Variants in IMPG1 observed in about 807,000 individuals in gnomAD.
The protein encoded by IMPG1 is interphotoreceptor matrix proteoglycan of 150 kDa.
IMPG1 carries 85 observed loss-of-function variants against 92.0 expected under a neutral mutation model. The observed-to-expected ratio is 0.92, with a 90% CI of 0.78 to 1.11. The LOEUF (loss-of-function observed/expected upper bound fraction) is 1.11, where lower values mean the gene tolerates loss of function less well. Among genes scored for constraint, IMPG1 ranks in the 50% least tolerant of loss-of-function variants. IMPG1 has a pLI of 0.00. For synonymous variants in IMPG1, 367 were observed against 334.1 expected, an observed-to-expected ratio of 1.10 and a Z score of -1.08; for missense variants, 1,022 against 956.0, an observed-to-expected ratio of 1.07 and a Z score of -0.91.
At chr6:75,997,903 G>A (rs150239917) in intron 12 of IMPG1, among the ~76,000 whole-genome samples, 2 of 152,294 alleles carry the variant, frequency 1.3e-5, no homozygotes, top group African/African-American at 4.8e-5. Flanking sequence ...TTTTTGCTGT[G>A]GAATCAGGGA....
chr6:76,016,613 T>C (rs1191744363), intron 7 of IMPG1, among the ~76,000 whole-genome samples: 3 of 152,202 alleles, frequency 2.0e-5, no homozygotes, highest in Non-Finnish European at 4.4e-5. Context: ...CTTATTCATC[T>C]CCTCTCAGGG....
chr6:76,004,006 G>T, intron 10 of IMPG1, 56 bp from the exon 11 acceptor site: 1 of 1,375,356 alleles, frequency 7.3e-7, no homozygotes, highest in Non-Finnish European at 1.0e-6. Flanking sequence ...TTTTGTGGTT[G>T]GGACAATAAA....
intron 12 of IMPG1, among the ~76,000 whole-genome samples, chr6:75,952,374 T>C (rs1782048241): frequency 6.6e-6 from 1 of 152,184 alleles, no homozygotes; most frequent in Non-Finnish European, 1.5e-5. Flanking sequence ...ACGGTGAAAT[T>C]ACTAAAACCG....
At chr6:75,991,210 T>G (rs1220845432) in intron 12 of IMPG1, among the ~76,000 whole-genome samples, 2 of 152,054 alleles carry the variant, frequency 1.3e-5, no homozygotes, top group Non-Finnish European at 2.9e-5. Flanking sequence ...GGTAACACAG[T>G]GAAACCCCAT....
At chr6:76,055,841 AAACGTGTAACTTACTAT>A (rs1784111935) in intron 1 of IMPG1, among the ~76,000 whole-genome samples, 1 of 152,042 alleles carries the variant, frequency 6.6e-6, no homozygotes, top group African/African-American at 2.4e-5. Context: ...AAATTTGTAG[AAACGTGTAACTTACTAT>A]AACTCAAAAA....
intron 14 of IMPG1, among the ~76,000 whole-genome samples, chr6:75,940,802 G>A (rs1004699441): frequency 1.5e-4 from 23 of 152,182 alleles, no homozygotes; most frequent in Middle Eastern, 6.8e-3. Flanking sequence ...TGTCATCACT[G>A]TGGAGTAACT....
At chr6:76,005,856 C>T (rs1465359583) in intron 9 of IMPG1, among the ~76,000 whole-genome samples, 19 of 144,472 alleles carry the variant, frequency 1.3e-4, no homozygotes, top group East Asian at 8.0e-4. Flanking sequence ...TTTTTTTTTG[C>T]GACAGGGTCT....
At chr6:76,063,144 T>C (rs1413780774) in intron 1 of IMPG1, among the ~76,000 whole-genome samples, 4 of 151,782 alleles carry the variant, frequency 2.6e-5, no homozygotes, top group Non-Finnish European at 5.9e-5. Flanking sequence ...GCAGAGGTTG[T>C]AGTGAGCTGA....
At chr6:76,063,949 G>A (rs760562930) in intron 1 of IMPG1, among the ~76,000 whole-genome samples, 24 of 152,200 alleles carry the variant, frequency 1.6e-4, no homozygotes, top group African/African-American at 5.5e-4. Context: ...TTCTAGAGGA[G>A]ATGTGGGTGT....
At chr6:76,029,881 G>A (rs1045385276) in intron 4 of IMPG1, among the ~76,000 whole-genome samples, 3 of 152,082 alleles carry the variant, frequency 2.0e-5, no homozygotes, top group Admixed American at 2.0e-4. Context: ...CACTTCCACA[G>A]TTTCACCTTA....
chr6:75,966,537 G>T (rs560627423), intron 12 of IMPG1, among the ~76,000 whole-genome samples: 1 of 152,200 alleles, frequency 6.6e-6, no homozygotes, highest in South Asian at 2.1e-4. Context: ...CCAGATGCAG[G>T]ACCCTCGACC....
Position 75,977,210 on chromosome 6 carries a change from AT to A in IMPG1, c.1291+25707del, listed in dbSNP as rs1472859574. On this transcript the variant is annotated intron_variant, in intron 12 of 16. Transcript: ENST00000369950. ...ATGATCGAAAGATCCAATTATATAA[AT>A]GAGAAGACTATAAATTGCTTTAATT... is the stretch of plus-strand genomic sequence containing the variant. Among the ~76,000 whole-genome samples the A allele has an allele frequency of 5.3e-5, 8 of 152,340 alleles. No homozygotes were observed. The East Asian group carries it at 1.5e-3, about 29-fold the overall frequency.
At chr6:76,030,436 T>C (rs1182700727) in intron 4 of IMPG1, among the ~76,000 whole-genome samples, 3 of 152,188 alleles carry the variant, frequency 2.0e-5, no homozygotes, top group Non-Finnish European at 4.4e-5. Context: ...CCCTTTCAAA[T>C]GCATCCTGAA....
intron 12 of IMPG1, among the ~76,000 whole-genome samples, chr6:75,969,261 G>A (rs56348782): frequency 0.4 from 61,128 of 151,816 alleles, 13,118 homozygotes; most frequent in East Asian, 0.6. Flanking sequence ...ATAGTTAATA[G>A]CAACGTATTG....
intron 12 of IMPG1, among the ~76,000 whole-genome samples, chr6:76,001,389 A>G (rs1782986475): frequency 6.6e-6 from 1 of 152,248 alleles, no homozygotes; most frequent in African/African-American, 2.4e-5. Flanking sequence ...GTGGTTAATT[A>G]TAAATGGCAT....
intron 14 of IMPG1, among the ~76,000 whole-genome samples, chr6:75,935,285 T>G (rs1038618513): frequency 2.0e-5 from 3 of 152,210 alleles, no homozygotes; most frequent in Admixed American, 1.3e-4. Flanking sequence ...TACTCCGTGA[T>G]TACAGCGGCA....
intron 1 of IMPG1, among the ~76,000 whole-genome samples, 156 bp downstream of exon 1, chr6:76,072,266 A>G (rs748477437): frequency 3.3e-5 from 5 of 152,136 alleles, no homozygotes; most frequent in Non-Finnish European, 7.4e-5. Context: ...ATCATTTCTG[A>G]TAGTTAATTA....
At chr6:76,002,816 G>A in intron 12 of IMPG1, 102 bp downstream of exon 12, 1 of 867,548 alleles carries the variant, frequency 1.2e-6, no homozygotes. Context: ...CCTTTTCCTG[G>A]GTTCGGGATG....
intron 12 of IMPG1, among the ~76,000 whole-genome samples, chr6:76,002,681 G>T (rs1413244826): frequency 6.6e-6 from 1 of 152,196 alleles, no homozygotes; most frequent in South Asian, 2.1e-4. Flanking sequence ...CATTAGAAAA[G>T]GGCTGCCGGT....
Sources: allele counts gnomAD v4.1 joint callset (sites outside exome capture counted in the v4.1 genomes callset), GRCh38; gene constraint gnomAD v4.1.1; transcripts MANE v1.5; gene names NCBI Gene and HGNC (gene_info 2026-07-23, HGNC 2026-07-21).